STX18: variants seen among roughly 807,000 people sequenced by gnomAD.
The protein encoded by STX18 is syntaxin 18.
In STX18, 40 loss-of-function variants were observed where a neutral mutation model predicts 50.1. That is an observed-to-expected ratio of 0.80 (90% CI 0.62 to 1.04). The LOEUF (loss-of-function observed/expected upper bound fraction) is 1.04, where lower values mean the gene tolerates loss of function less well. Ranked by LOEUF, STX18 falls within the 50% of genes least tolerant of loss-of-function variation. STX18 has a pLI of 0.00. For missense variants in STX18, 410 were observed against 415.8 expected, an observed-to-expected ratio of 0.99 and a Z score of 0.12; for synonymous variants, 158 against 151.8, an observed-to-expected ratio of 1.04 and a Z score of -0.30.
At chr4:4,493,814 G>A (rs1729050363) in intron 1 of STX18, among the ~76,000 whole-genome samples, 1 of 152,076 alleles carries the variant, frequency 6.6e-6, no homozygotes, top group Non-Finnish European at 1.5e-5. Context: ...AAATGTAGCT[G>A]GAATATCTTC....
chr4:4,520,150 T>C (rs1404060024), intron 1 of STX18, among the ~76,000 whole-genome samples: 2 of 152,192 alleles, frequency 1.3e-5, no homozygotes, highest in Non-Finnish European at 2.9e-5. Context: ...CCTTAACAGA[T>C]ACATTTTATT....
rs1380638950 is a variant in STX18 at position 4,425,174 on chromosome 4, C to CA, written c.750dup (p.Asp251Ter). The CA allele has an allele frequency of 6.2e-7, 1 of 1,614,040 alleles. No homozygotes were observed. Among genetic ancestry groups the CA allele is most frequent in the African/African-American group, 1.3e-5 (1 of 74,942 alleles). ...GAGCTACAAACATACCTCACTTCAT[C>CA]AAACAAGCTGTTCATTTCACCAATT... On this transcript the variant is annotated frameshift_variant, in exon 8 of 11. Coordinates refer to ENST00000306200, the MANE Select transcript of STX18 (RefSeq NM_016930.4). LOFTEE classifies it high-confidence loss of function.
At chr4:4,469,918 G>A (rs1450047459) in intron 2 of STX18, among the ~76,000 whole-genome samples, 1 of 152,142 alleles carries the variant, frequency 6.6e-6, no homozygotes, top group African/African-American at 2.4e-5. Flanking sequence ...CCACCTCGAT[G>A]GGGCCTTCCT....
At chr4:4,533,299 C>T (rs935901357) in intron 1 of STX18, among the ~76,000 whole-genome samples, 3 of 152,176 alleles carry the variant, frequency 2.0e-5, no homozygotes, top group Non-Finnish European at 4.4e-5. Context: ...GTGTAGACTT[C>T]ACTGATACTT....
intron 1 of STX18, 120 bp downstream of exon 1, chr4:4,541,677 C>G: frequency 8.7e-7 from 1 of 1,150,186 alleles, no homozygotes; most frequent in African/African-American, 1.6e-5. Context: ...ACTCTTCTGT[C>G]CCCCTTAGAG....
At chr4:4,421,441 T>TGG (rs200342467) in intron 9 of STX18, among the ~76,000 whole-genome samples, 1 of 152,058 alleles carries the variant, frequency 6.6e-6, no homozygotes, top group African/African-American at 2.4e-5. Context: ...TTTGTAGAGA[T>TGG]GGGGGGTCTC....
chr4:4,447,545 C>T (rs1005792109), intron 5 of STX18, among the ~76,000 whole-genome samples: 2 of 124,224 alleles, frequency 1.6e-5, no homozygotes, highest in Middle Eastern at 0.011. Flanking sequence ...GAGCCGAGAT[C>T]GCGCCACTGC....
At chr4:4,446,228 A>T (rs951690579) in intron 5 of STX18, among the ~76,000 whole-genome samples, 10 of 152,190 alleles carry the variant, frequency 6.6e-5, no homozygotes, top group Admixed American at 6.5e-4. Flanking sequence ...GATAGACCTA[A>T]ACATACCACC....
chr4:4,434,944 G>A (rs879506654), intron 6 of STX18, 86 bp from the exon 7 acceptor site: 1 of 875,520 alleles, frequency 1.1e-6, no homozygotes, highest in Non-Finnish European at 1.7e-6. Context: ...ACAAACAAGA[G>A]ATTAAACAGA....
chr4:4,472,515 A>G (rs1431176369), intron 1 of STX18, among the ~76,000 whole-genome samples: 1 of 152,234 alleles, frequency 6.6e-6, no homozygotes, highest in Non-Finnish European at 1.5e-5. Context: ...ACGTGGCCCC[A>G]GCCTTGCAAG....
chr4:4,435,862 G>C (rs913896737), intron 6 of STX18, among the ~76,000 whole-genome samples: 1 of 152,202 alleles, frequency 6.6e-6, no homozygotes, highest in Admixed American at 6.5e-5. Flanking sequence ...GACTGCTGCC[G>C]CCCAGGATGA....
intron 1 of STX18, among the ~76,000 whole-genome samples, chr4:4,530,833 C>T (rs1224682276): frequency 1.3e-5 from 2 of 152,080 alleles, no homozygotes; most frequent in Non-Finnish European, 2.9e-5. Flanking sequence ...TCTTGAATTC[C>T]TAAGCTCAAG....
intron 1 of STX18, among the ~76,000 whole-genome samples, chr4:4,501,929 G>C (rs1336183125): frequency 6.6e-6 from 1 of 152,094 alleles, no homozygotes; most frequent in Non-Finnish European, 1.5e-5. Context: ...TTAAAGATAA[G>C]GTTTCCTGGA....
Position 4,457,256 on chromosome 4 carries a change from TCCTGTTG to T in STX18, c.431-6_431del. ...TCTGTTCTGAGTAAAGTTTACATAC[TCCTGTTG>T]CAGAAGAAAATACCAGAAGAGAGAC... On this transcript the variant is annotated splice_acceptor_variant and splice_polypyrimidine_tract_variant and coding_sequence_variant and intron_variant, in exon 5 of 11. Transcript: ENST00000306200. LOFTEE classifies it high-confidence loss of function. The T allele has an allele frequency of 6.2e-7, 1 of 1,613,970 alleles. No homozygotes were observed. The highest frequency in any genetic ancestry group is 1.1e-5 in the South Asian group (1 of 91,074).
In STX18 at chr4:4,436,950, CTTTTTTTTTTT is replaced by C. The variant is rs34174730; in HGVS notation, c.613+1433_613+1443del. 3.7e-3 allele frequency among the ~76,000 whole-genome samples: 435 copies of C among 116,768 alleles called. 4 individuals are homozygous for C. The highest frequency in any genetic ancestry group is 0.013 in the African/African-American group (386 of 29,226). The allele number at this position is 116,768 out of a possible 152,430, so 76.6% of individuals were successfully genotyped here. On this transcript the variant is annotated intron_variant, in intron 6 of 10. Coordinates refer to ENST00000306200, the MANE Select transcript of STX18 (RefSeq NM_016930.4). ...TTTTATTTTTTCAGGTCCAGACTCA[CTTTTTTTTTTT>C]TTTTTTTTTTTTTTTGAGACGGAAT...
chr4:4,513,315 T>A (rs1730092569), intron 1 of STX18, among the ~76,000 whole-genome samples: 1 of 152,122 alleles, frequency 6.6e-6, no homozygotes, highest in Non-Finnish European at 1.5e-5. Context: ...GGGTTTCCCA[T>A]TCATCTGGGA....
intron 1 of STX18, among the ~76,000 whole-genome samples, chr4:4,493,052 T>C (rs1000152815): frequency 3.3e-5 from 5 of 152,202 alleles, no homozygotes; most frequent in African/African-American, 9.6e-5. Flanking sequence ...GAAAAAAAGA[T>C]ATTGCTGATC....
At chr4:4,432,365 T>A (rs751972099) in intron 7 of STX18, among the ~76,000 whole-genome samples, 18 of 152,262 alleles carry the variant, frequency 1.2e-4, no homozygotes, top group Non-Finnish European at 2.4e-4. Context: ...GACCCTGCCA[T>A]GATGGCATGC....
chr4:4,437,541 C>T, intron 6 of STX18: 1 of 910,166 alleles, frequency 1.1e-6, no homozygotes, highest in Non-Finnish European at 1.3e-6. Flanking sequence ...ATCCAAAACA[C>T]TTCTGGTCCC....
Sources: allele counts gnomAD v4.1 joint callset (sites outside exome capture counted in the v4.1 genomes callset), GRCh38; gene constraint gnomAD v4.1.1; transcripts MANE v1.5; gene names NCBI Gene and HGNC (gene_info 2026-07-23, HGNC 2026-07-21).